Variants in LINGO2 observed in about 807,000 individuals in gnomAD.
LINGO2 encodes the protein leucine rich repeat and Ig domain containing 2.
A neutral mutation model predicts 30.6 loss-of-function variants in LINGO2; 14 were observed. That is an observed-to-expected ratio of 0.46 (90% CI 0.30 to 0.72). LINGO2 has a LOEUF of 0.72. Among genes scored for constraint, LINGO2 ranks in the 30% least tolerant of loss-of-function variants. The pLI is 0.07. For synonymous variants in LINGO2, 317 were observed against 288.5 expected, an observed-to-expected ratio of 1.10 and a Z score of -1.00; for missense variants, 729 against 751.7, an observed-to-expected ratio of 0.97 and a Z score of 0.35.
chr9:29,193,607 T>A, the LINGO2 span, among the ~76,000 whole-genome samples: 5 of 152,200 alleles, frequency 3.3e-5, no homozygotes, highest in African/African-American at 1.2e-4. Context: ...CCCCTAGTCA[T>A]GTTTGTCTCA....
At chr9:28,443,982 C>A (rs546281281) in intron 2 of LINGO2, among the ~76,000 whole-genome samples, 2 of 152,284 alleles carry the variant, frequency 1.3e-5, no homozygotes, top group South Asian at 4.2e-4. Flanking sequence ...ATGGATCAAT[C>A]AGCACAGACT....
At chr9:29,213,567 C>T in the LINGO2 span, among the ~76,000 whole-genome samples, 1 of 152,046 alleles carries the variant, frequency 6.6e-6, no homozygotes, top group African/African-American at 2.4e-5. Flanking sequence ...TGGGGCTTGG[C>T]AGCCGGGCTC....
the LINGO2 span, among the ~76,000 whole-genome samples, chr9:28,893,361 C>T: frequency 6.6e-6 from 1 of 151,910 alleles, no homozygotes; most frequent in African/African-American, 2.4e-5. Context: ...TGACTAGTTC[C>T]CCCTCAGCCC....
intron 4 of LINGO2, among the ~76,000 whole-genome samples, chr9:28,220,154 T>C (rs983641378): frequency 6.6e-6 from 1 of 152,190 alleles, no homozygotes; most frequent in Non-Finnish European, 1.5e-5. Context: ...ATGCCAATAC[T>C]ATGCCATTTC....
chr9:28,038,856 A>T (rs1381466559), intron 4 of LINGO2, among the ~76,000 whole-genome samples: 1 of 152,202 alleles, frequency 6.6e-6, no homozygotes, highest in Non-Finnish European at 1.5e-5. Flanking sequence ...CCACAGCAAT[A>T]TTTTTAAAAT....
At chr9:28,899,276 G>A in the LINGO2 span, among the ~76,000 whole-genome samples, 1 of 152,188 alleles carries the variant, frequency 6.6e-6, no homozygotes, top group South Asian at 2.1e-4. Context: ...TCCAGACTGA[G>A]CCTTGAGACC....
intron 1 of LINGO2, among the ~76,000 whole-genome samples, chr9:28,484,237 G>A (rs1826083059): frequency 6.6e-6 from 1 of 152,076 alleles, no homozygotes; most frequent in Non-Finnish European, 1.5e-5. Flanking sequence ...CCCATTCAAT[G>A]TGGAGTATAC....
chr9:28,234,648 G>A (rs1009610775), intron 4 of LINGO2, among the ~76,000 whole-genome samples: 1 of 151,980 alleles, frequency 6.6e-6, no homozygotes, highest in Non-Finnish European at 1.5e-5. Flanking sequence ...TCCTGCCCTC[G>A]AACATCAGAC....
chr9:29,009,260 G>T, the LINGO2 span, among the ~76,000 whole-genome samples: 1 of 152,150 alleles, frequency 6.6e-6, no homozygotes, highest in Non-Finnish European at 1.5e-5. Flanking sequence ...GTTTGCAGAT[G>T]ACATGATTGT....
chr9:29,071,623 G>T, the LINGO2 span, among the ~76,000 whole-genome samples: 3 of 151,012 alleles, frequency 2.0e-5, no homozygotes, highest in Non-Finnish European at 4.4e-5. Context: ...TAAACAGGCT[G>T]TTACTTATAT....
chr9:27,955,580 C>A (rs1819523636), intron 5 of LINGO2, among the ~76,000 whole-genome samples: 1 of 152,012 alleles, frequency 6.6e-6, no homozygotes, highest in Non-Finnish European at 1.5e-5. Context: ...CTCTTATGTC[C>A]AGCATCTTTC....
rs1822815577 is a variant in LINGO2 at position 28,268,040 on chromosome 9, T to TA, written c.-87+27167dup. Among the ~76,000 whole-genome samples, 4 of 152,196 alleles carry TA rather than the reference T, an allele frequency of 2.6e-5. No individual in the cohort carries two copies. The South Asian group carries it at 6.2e-4, about 24-fold the overall frequency. On this transcript the variant is annotated intron_variant, in intron 4 of 5. Transcript: ENST00000379992. ...GCCTTACAACATAGTATCCACTATT[T>TA]AAAGGTCAATATCAGAGTTATTTGT...
intron 2 of LINGO2, among the ~76,000 whole-genome samples, chr9:28,380,246 A>T (rs7042553): frequency 0.96 from 145,485 of 152,096 alleles, 69,753 homozygotes; most frequent in Non-Finnish European, 0.99. Context: ...TGTGTCTAAA[A>T]TGTACCTGGC....
chr9:28,355,300 TCTC>T (rs1820135948), intron 3 of LINGO2, among the ~76,000 whole-genome samples: 2 of 362 alleles, frequency 5.5e-3, no homozygotes, highest in Admixed American at 0.05. Flanking sequence ...TCTCTCTATG[TCTC>T]TCTCTCTCTC....
At chr9:28,618,859 G>T (rs573162028) in intron 1 of LINGO2, among the ~76,000 whole-genome samples, 1 of 143,652 alleles carries the variant, frequency 7.0e-6, no homozygotes, top group South Asian at 2.2e-4. Context: ...AATATTTGCT[G>T]AATGAATGAA....
At chr9:28,827,142 T>C in the LINGO2 span, among the ~76,000 whole-genome samples, 2 of 152,168 alleles carry the variant, frequency 1.3e-5, no homozygotes, top group African/African-American at 2.4e-5. Context: ...TGCTGAAAGA[T>C]ATAAAATTAG....
At chr9:28,786,806 T>C in the LINGO2 span, among the ~76,000 whole-genome samples, 3 of 152,122 alleles carry the variant, frequency 2.0e-5, no homozygotes, top group Admixed American at 6.6e-5. Context: ...ATGGGCATAC[T>C]TCTAGAAGTA....
At chr9:29,012,289 C>G in the LINGO2 span, among the ~76,000 whole-genome samples, 2 of 151,730 alleles carry the variant, frequency 1.3e-5, no homozygotes, top group East Asian at 3.9e-4. Context: ...ACCCACAAGG[C>G]GGAGGCTGCA....
the LINGO2 span, among the ~76,000 whole-genome samples, chr9:28,755,686 T>C: frequency 1.3e-5 from 2 of 152,102 alleles, no homozygotes; most frequent in Non-Finnish European, 2.9e-5. Flanking sequence ...GTCTCTCCTG[T>C]TGTATTATCA....
Sources: gnomAD v4.1 joint callset for allele counts (sites outside exome capture counted in the v4.1 genomes callset) on GRCh38, gnomAD v4.1.1 for gene constraint, MANE v1.5 for transcripts, NCBI Gene and HGNC (gene_info 2026-07-23, HGNC 2026-07-21) for gene names.